FRMD4A: variants seen among roughly 807,000 people sequenced by gnomAD.
FRMD4A encodes the protein FERM domain-containing protein 4A.
A neutral mutation model predicts 129.1 loss-of-function variants in FRMD4A; 29 were observed. That is an observed-to-expected ratio of 0.22 (90% CI 0.17 to 0.31). The LOEUF is 0.31. Among genes scored for constraint, FRMD4A ranks in the 10% least tolerant of loss-of-function variants. The pLI, the probability that FRMD4A is intolerant of heterozygous loss-of-function variation, is 1.00. For missense variants in FRMD4A, 1,272 were observed against 1,375.8 expected (o/e 0.92, Z 1.19); for synonymous variants, 634 against 571.6 (o/e 1.11, Z -1.56).
intron 2 of FRMD4A, among the ~76,000 whole-genome samples, chr10:14,290,242 G>A (rs1305107272): frequency 6.6e-6 from 1 of 151,986 alleles, no homozygotes; most frequent in African/African-American, 2.4e-5. Context: ...AAAGTCATGT[G>A]GAACTACAAA....
In FRMD4A at chr10:14,000,646, C is replaced by CAAAAAAAAAAAAAAA. The variant is rs11377448; in HGVS notation, c.46-141749_46-141735dup. Among the ~76,000 whole-genome samples the CAAAAAAAAAAAAAAA allele has an allele frequency of 2.0e-3, 86 of 43,464 alleles. 6 individuals carry two copies. Among genetic ancestry groups the CAAAAAAAAAAAAAAA allele is most frequent in the African/African-American group, 5.0e-3 (60 of 11,998 alleles). 28.5% of individuals were successfully genotyped at this position (43,464 alleles called of 152,430 possible). ...TGGGTGACAGAGCAAGACGCCACCT[C>CAAAAAAAAAAAAAAA]AAAAAAAAAAAAAAAAAAAAAAGAG... On this transcript the variant is annotated intron_variant, in intron 2 of 24. Transcript: ENST00000357447.
intron 2 of FRMD4A, chr10:14,008,114 T>C: frequency 7.7e-7 from 1 of 1,302,338 alleles, no homozygotes; most frequent in Non-Finnish European, 1.0e-6. Context: ...GTAAAAGTCT[T>C]TGGGATCTAT....
chr10:13,884,208 T>TCA (rs747364370), intron 2 of FRMD4A, among the ~76,000 whole-genome samples: 1,068 of 81,728 alleles, frequency 0.013, 29 homozygotes, highest in Non-Finnish European at 0.014. Flanking sequence ...ACACACACAC[T>TCA]CACACACACA....
At chr10:13,673,768 G>A (rs1031662655) in intron 16 of FRMD4A, among the ~76,000 whole-genome samples, 1 of 133,370 alleles carries the variant, frequency 7.5e-6, no homozygotes, top group Non-Finnish European at 1.6e-5. Flanking sequence ...AGAAAGCATT[G>A]CTTTTTTTTT....
chr10:14,304,713 C>T (rs1846289778), intron 2 of FRMD4A, among the ~76,000 whole-genome samples: 1 of 152,176 alleles, frequency 6.6e-6, no homozygotes, highest in Non-Finnish European at 1.5e-5. Context: ...AAACTGTTTG[C>T]CTGAGGGCTC....
At chr10:13,742,986 T>C (rs1407713424) in intron 9 of FRMD4A, among the ~76,000 whole-genome samples, 1 of 152,226 alleles carries the variant, frequency 6.6e-6, no homozygotes, top group East Asian at 1.9e-4. Flanking sequence ...AACCTCCAAC[T>C]AGTATCTTTT....
rs1045166493 is a variant in FRMD4A, at chr10:14,239,422, T to C, written c.45+90636A>G. Among the ~76,000 whole-genome samples the C allele has an allele frequency of 7.9e-5, 12 of 152,000 alleles. No individual in the cohort carries two copies. In the South Asian group the frequency reaches 8.3e-4, roughly 11 times the overall value. On this transcript the variant is annotated intron_variant, in intron 2 of 24. Transcript: ENST00000357447. ...GCGGGCGGATCAGGAGGTCAGGAGA[T>C]CAAGACCATCCTGGCTAACATGGTG...
At chr10:13,796,981 A>G (rs749322679) in intron 4 of FRMD4A, among the ~76,000 whole-genome samples, 1 of 152,178 alleles carries the variant, frequency 6.6e-6, no homozygotes, top group African/African-American at 2.4e-5. Flanking sequence ...CGGCCTCCCA[A>G]AGTGCTGGGA....
At chr10:14,204,235 GT>G (rs201779829) in intron 2 of FRMD4A, among the ~76,000 whole-genome samples, 17,356 of 151,862 alleles carry the variant, frequency 0.11, 1,460 homozygotes, top group African/African-American at 0.24. Context: ...ACCAGCCTGG[GT>G]CTTGAACATG....
At chr10:13,741,691 C>A (rs552263165) in intron 9 of FRMD4A, among the ~76,000 whole-genome samples, 1 of 152,168 alleles carries the variant, frequency 6.6e-6, no homozygotes, top group South Asian at 2.1e-4. Flanking sequence ...GCTCTGAATG[C>A]GTAGTCAGGA....
chr10:13,676,587 T>C (rs1235109073), intron 15 of FRMD4A, among the ~76,000 whole-genome samples: 1 of 152,186 alleles, frequency 6.6e-6, no homozygotes, highest in Non-Finnish European at 1.5e-5. Context: ...TTACAACTTT[T>C]CTTTGCAAGC....
intron 3 of FRMD4A, among the ~76,000 whole-genome samples, chr10:13,811,421 T>C (rs1054268242): frequency 6.6e-6 from 1 of 151,120 alleles, no homozygotes; most frequent in South Asian, 2.1e-4. Context: ...ACGTGCGCCA[T>C]CACACCTGGC....
chr10:13,912,772 G>C (rs1384366623), intron 2 of FRMD4A, among the ~76,000 whole-genome samples: 1 of 151,820 alleles, frequency 6.6e-6, no homozygotes, highest in Non-Finnish European at 1.5e-5. Flanking sequence ...TTTGTGATCC[G>C]CCTGCCTAGA....
intron 2 of FRMD4A, among the ~76,000 whole-genome samples, chr10:14,000,731 A>C (rs1006101110): frequency 6.6e-6 from 1 of 151,626 alleles, no homozygotes; most frequent in Non-Finnish European, 1.5e-5. Flanking sequence ...CATATTTGCA[A>C]TATGGCAGAT....
In FRMD4A at chr10:13,904,518, C is replaced by T. The variant is rs192301491; in HGVS notation, c.46-45606G>A. ...ATACTGCTCTCCGTCAAGAATTCTT[C>T]AAAGACAGGCATCACGGCAGTGCTT... is the stretch of plus-strand genomic sequence containing the variant. On this transcript the variant is annotated intron_variant, in intron 2 of 24. Coordinates refer to ENST00000357447, the MANE Select transcript of FRMD4A (RefSeq NM_018027.5). Among the ~76,000 whole-genome samples the T allele has an allele frequency of 8.5e-5, 13 of 152,336 alleles. No individual in the cohort carries two copies. The East Asian group carries it at 2.1e-3, about 25-fold the overall frequency.
intron 6 of FRMD4A, among the ~76,000 whole-genome samples, chr10:13,773,829 T>G (rs1037012881): frequency 6.6e-6 from 1 of 152,242 alleles, no homozygotes; most frequent in African/African-American, 2.4e-5. Context: ...ACAAGTCCGC[T>G]GCCTCCTGCA....
Position 14,055,455 on chromosome 10 carries a change from ACACACAAACAC to A in FRMD4A, c.46-196554_46-196544del, listed in dbSNP as rs1565216195. On this transcript the variant is annotated intron_variant, in intron 2 of 24. Transcript: ENST00000357447. ...GATCTAGCTACACACACACACACAC[ACACACAAACAC>A]ACACACACACACACACACACACACA... Among the ~76,000 whole-genome samples, 115 of 14,242 alleles carry A rather than the reference ACACACAAACAC, an allele frequency of 8.1e-3. 1 individual carries two copies. Among genetic ancestry groups the A allele is most frequent in the Middle Eastern group, 0.077 (2 of 26 alleles). 9.3% of individuals were successfully genotyped at this position (14,242 alleles called of 152,430 possible).
chr10:14,202,533 G>A (rs781720303), intron 2 of FRMD4A, among the ~76,000 whole-genome samples: 2 of 151,816 alleles, frequency 1.3e-5, no homozygotes, highest in African/African-American at 2.4e-5. Flanking sequence ...TCCCAAGTAC[G>A]GGGATTACAG....
chr10:14,197,363 C>T (rs1363852731), intron 2 of FRMD4A, among the ~76,000 whole-genome samples: 3 of 152,082 alleles, frequency 2.0e-5, no homozygotes, highest in Non-Finnish European at 1.5e-5. Flanking sequence ...GCAGGATATA[C>T]GATCACTCTA....
Sources: allele counts gnomAD v4.1 joint callset (sites outside exome capture counted in the v4.1 genomes callset), GRCh38; gene constraint gnomAD v4.1.1; transcripts MANE v1.5; gene names NCBI Gene and HGNC (gene_info 2026-07-23, HGNC 2026-07-21).